The following UTRN variants were observed in gnomAD, a reference collection of about 807,000 sequenced individuals.
UTRN encodes the protein utrophin.
UTRN carries 283 observed loss-of-function variants against 463.9 expected under a neutral mutation model. The observed-to-expected ratio is 0.61, with a 90% CI of 0.55 to 0.67. The LOEUF (loss-of-function observed/expected upper bound fraction) is 0.67. Ranked by LOEUF, UTRN falls within the 30% of genes least tolerant of loss-of-function variation. UTRN has a pLI of 0.00. For synonymous variants in UTRN, 1,442 were observed against 1,431.5 expected, an observed-to-expected ratio of 1.01 and a Z score of -0.17; for missense variants, 3,922 against 4,084.3, an observed-to-expected ratio of 0.96 and a Z score of 1.08.
At chr6:144,303,636 T>A (rs544687343) in intron 2 of UTRN, among the ~76,000 whole-genome samples, 1 of 152,292 alleles carries the variant, frequency 6.6e-6, no homozygotes, top group East Asian at 1.9e-4. Flanking sequence ...CTATATATAT[T>A]CTGAGAGAAG....
intron 30 of UTRN, 36 bp downstream of exon 30, chr6:144,488,870 A>G (rs1478811996): frequency 1.3e-6 from 2 of 1,519,058 alleles, no homozygotes; most frequent in East Asian, 4.7e-5. Flanking sequence ...TGAGCTGTAA[A>G]GAGAGCTTTT....
At chr6:144,658,791 A>G (rs191405696) in intron 51 of UTRN, among the ~76,000 whole-genome samples, 22 of 152,362 alleles carry the variant, frequency 1.4e-4, no homozygotes, top group African/African-American at 4.1e-4. Flanking sequence ...TATCACTACA[A>G]AGAATTTATA....
At chr6:144,640,716 A>G (rs1777678669) in intron 51 of UTRN, among the ~76,000 whole-genome samples, 1 of 152,218 alleles carries the variant, frequency 6.6e-6, no homozygotes, top group Non-Finnish European at 1.5e-5. Flanking sequence ...AAGTCTGCCA[A>G]CTTGGTCCCA....
At chr6:144,639,798 G>A (rs1196192949) in intron 51 of UTRN, among the ~76,000 whole-genome samples, 1 of 152,070 alleles carries the variant, frequency 6.6e-6, no homozygotes. Context: ...ATGTTGCTGT[G>A]GGAGTTTCTA....
chr6:144,511,760 C>T (rs1274394997), intron 35 of UTRN, among the ~76,000 whole-genome samples: 1 of 152,098 alleles, frequency 6.6e-6, no homozygotes, highest in African/African-American at 2.4e-5. Context: ...TGCCACTGCT[C>T]TGTAAATTTG....
At chr6:144,465,248 AT>A (rs147089335) in intron 23 of UTRN, among the ~76,000 whole-genome samples, 2,686 of 152,368 alleles carry the variant, frequency 0.018, 38 homozygotes, top group Non-Finnish European at 0.024. Context: ...TTAAAAGTAT[AT>A]CTTAGGGTTA....
At chr6:144,771,826 C>A in intron 58 of UTRN, 81 bp from the exon 59 acceptor site, 1 of 1,138,814 alleles carries the variant, frequency 8.8e-7, no homozygotes, top group Non-Finnish European at 1.3e-6. Flanking sequence ...AAAATCATTT[C>A]TACTTGGGTA....
At chr6:144,550,160 G>A (rs1281544452) in intron 47 of UTRN, among the ~76,000 whole-genome samples, 2 of 152,138 alleles carry the variant, frequency 1.3e-5, no homozygotes, top group South Asian at 4.1e-4. Flanking sequence ...GTGGTGGGGA[G>A]TCCTTATGCC....
intron 54 of UTRN, among the ~76,000 whole-genome samples, chr6:144,732,241 T>TATATATATATATATATATATATATATAC (rs1562832431): frequency 4.2e-5 from 1 of 23,906 alleles, no homozygotes. Context: ...TATATATACA[T>TATATATATATATATATATATATATATAC]ATATATATAT....
At chr6:144,357,981 A>G (rs1000511993) in intron 2 of UTRN, among the ~76,000 whole-genome samples, 2 of 152,210 alleles carry the variant, frequency 1.3e-5, no homozygotes, top group African/African-American at 4.8e-5. Flanking sequence ...CACTAGTTTG[A>G]TTCAAGCACT....
At chr6:144,754,268 A>G (rs1291328512) in intron 56 of UTRN, among the ~76,000 whole-genome samples, 2 of 152,198 alleles carry the variant, frequency 1.3e-5, no homozygotes, top group African/African-American at 4.8e-5. Flanking sequence ...TAGAGGCTTT[A>G]CAAACAATGT....
At chr6:144,507,081 A>T (rs1302697058) in intron 34 of UTRN, among the ~76,000 whole-genome samples, 1 of 151,890 alleles carries the variant, frequency 6.6e-6, no homozygotes, top group Non-Finnish European at 1.5e-5. Flanking sequence ...TGTATGCCTC[A>T]TGAAGTTTTC....
intron 65 of UTRN, among the ~76,000 whole-genome samples, chr6:144,810,535 G>T (rs193010777): frequency 2.6e-5 from 4 of 152,162 alleles, no homozygotes; most frequent in Non-Finnish European, 5.9e-5. Flanking sequence ...ATATAGTGAG[G>T]TACAGTAACC....
chr6:144,766,146 C>A (rs1469356146), intron 58 of UTRN, among the ~76,000 whole-genome samples: 1 of 152,024 alleles, frequency 6.6e-6, no homozygotes, highest in African/African-American at 2.4e-5. Context: ...CACACACACA[C>A]AAGCACGTGC....
chr6:144,338,412 A>C (rs1176006752), intron 2 of UTRN, among the ~76,000 whole-genome samples: 2 of 152,196 alleles, frequency 1.3e-5, no homozygotes, highest in East Asian at 3.9e-4. Context: ...TGAAGATATT[A>C]AGGGGAGTTA....
In UTRN at chr6:144,423,637, A is replaced by C. The variant is rs376270907; in HGVS notation, c.312+11A>C. The C allele has an allele frequency of 2.0e-4, 316 of 1,613,988 alleles. 1 individual carries two copies. Among genetic ancestry groups the C allele is most frequent in the Non-Finnish European group, 2.6e-4 (309 of 1,179,928 alleles). On this transcript the variant is annotated intron_variant, in intron 5 of 74. Transcript: ENST00000367545. ...TTACATCAGAACAATGTAAGTGTGT[A>C]ATGTGAGTTCTGGGGGTCTGTGCTG...
At chr6:144,636,143 T>G (rs528613159) in intron 51 of UTRN, among the ~76,000 whole-genome samples, 3 of 152,284 alleles carry the variant, frequency 2.0e-5, no homozygotes, top group Admixed American at 6.5e-5. Context: ...CGTCATGATT[T>G]GTTTCATACT....
intron 25 of UTRN, among the ~76,000 whole-genome samples, chr6:144,477,647 C>T (rs1464747110): frequency 1.3e-5 from 2 of 151,848 alleles, no homozygotes; most frequent in African/African-American, 2.4e-5. Context: ...GCATGATTTT[C>T]CAAGCATGAA....
intron 2 of UTRN, among the ~76,000 whole-genome samples, chr6:144,315,506 T>G (rs982315495): frequency 1.3e-5 from 2 of 152,212 alleles, no homozygotes; most frequent in Non-Finnish European, 2.9e-5. Context: ...GATGCCAAAC[T>G]CTTGTTCTTG....
Sources: allele counts gnomAD v4.1 joint callset (sites outside exome capture counted in the v4.1 genomes callset), GRCh38; gene constraint gnomAD v4.1.1; transcripts MANE v1.5; gene names NCBI Gene and HGNC (gene_info 2026-07-23, HGNC 2026-07-21).